Variants in ALB observed in about 807,000 individuals in gnomAD.
ALB encodes serum albumin.
Under a neutral mutation model 74.5 loss-of-function variants are expected in ALB, and 37 were observed. That is an observed-to-expected ratio of 0.50 (90% CI 0.38 to 0.65). The LOEUF is 0.65. Among genes scored for constraint, ALB ranks in the 30% least tolerant of loss-of-function variants. The probability of loss-of-function intolerance (pLI) is 0.00; values close to 1 mark genes in which losing one functional copy is unlikely to be tolerated. For missense variants in ALB, 685 were observed against 718.7 expected, an observed-to-expected ratio of 0.95 and a Z score of 0.54; for synonymous variants, 249 against 251.6, an observed-to-expected ratio of 0.99 and a Z score of 0.10.
Position 73,408,803 on chromosome 4 carries a change from A to G in ALB, c.480A>G (p.Lys160=), listed in dbSNP as rs756681536. The part of the protein sequence containing the change: ...AFHDNEETFL[K]KYLYEIARRH... Reference sequence around the variant, plus strand: ...ATGACAATGAAGAGACATTTTTGAAAAAGTAAGTAATCAGATGTTTATAGT... The same window carrying G: ...ATGACAATGAAGAGACATTTTTGAAGAAGTAAGTAATCAGATGTTTATAGT... Residue 160 remains lysine, a splice_region_variant and synonymous_variant, in exon 4 of 15, where the codon AAA becomes AAG. Transcript: ENST00000295897. 1 of 1,612,754 alleles carries G rather than the reference A, an allele frequency of 6.2e-7. No individual in the cohort carries two copies. Among genetic ancestry groups the G allele is most frequent in the South Asian group, 1.1e-5 (1 of 90,952 alleles).
At position 73,416,258 on chromosome 4, in the gene ALB, C is replaced by T. The variant is rs770952660; in HGVS notation, c.1194C>T (p.Phe398=). The change falls in exon 10 of 15, where the codon TTC becomes TTT. Residue 398 remains phenylalanine (F), a splice_region_variant and synonymous_variant. Transcript: ENST00000295897. ...AACACAATTCTTTTATGTTTCAGTT[C>T]GATGAATTTAAACCTCTTGTGGAAG... is the stretch of plus-strand genomic sequence containing the variant. ...ADPHECYAKV[F]DEFKPLVEEP... is the part of the protein sequence containing the mutation. 41 of 1,611,968 alleles carry T rather than the reference C, an allele frequency of 2.5e-5. No homozygotes were observed. The highest frequency in any genetic ancestry group is 1.3e-4 in the East Asian group (6 of 44,790).
chr4:73,410,610 A>G (rs550481981), intron 6 of ALB, among the ~76,000 whole-genome samples: 25 of 152,234 alleles, frequency 1.6e-4, no homozygotes, highest in African/African-American at 6.0e-4. Context: ...TCTTTTCTAA[A>G]TAGTTGAATA....
Position 73,413,032 on chromosome 4 carries a change from A to G in ALB, c.844-388A>G, listed in dbSNP as rs371190396. On this transcript the variant is annotated intron_variant, in intron 7 of 14. Transcript: ENST00000295897. ...ATATATGTAAGCAGGGCCTATGACT[A>G]TGATCTTGACTCATTTTTCAAAAAT... Among the ~76,000 whole-genome samples the G allele has an allele frequency of 3.7e-4, 56 of 152,276 alleles. 1 individual carries two copies. The South Asian group carries it at 8.1e-3, about 22-fold the overall frequency.
intron 6 of ALB, among the ~76,000 whole-genome samples, chr4:73,411,105 A>T (rs1355340497): frequency 6.6e-6 from 1 of 152,228 alleles, no homozygotes; most frequent in Non-Finnish European, 1.5e-5. Context: ...CTCACCTGCT[A>T]GTCAACAGCA....
At chr4:73,414,383 T>C (rs1369749868) in intron 8 of ALB, among the ~76,000 whole-genome samples, 5 of 152,186 alleles carry the variant, frequency 3.3e-5, no homozygotes, top group Non-Finnish European at 7.4e-5. Context: ...GTATCATTCA[T>C]CAAAGACTTC....
At chr4:73,416,611 T>A (rs1471745987) in intron 10 of ALB, among the ~76,000 whole-genome samples, 1 of 152,106 alleles carries the variant, frequency 6.6e-6, no homozygotes, top group Non-Finnish European at 1.5e-5. Context: ...TCTTGGTATA[T>A]CAGAACTGAG....
chr4:73,415,269 A>G (rs1560858528), intron 9 of ALB, 102 bp downstream of exon 9: 23 of 1,391,850 alleles, frequency 1.7e-5, no homozygotes, highest in Non-Finnish European at 2.2e-5. Context: ...AGTGCAATTT[A>G]GATCTTTTCT....
At chr4:73,412,271 A>G (rs1052660228) in intron 7 of ALB, 146 bp downstream of exon 7, 8 of 1,010,054 alleles carry the variant, frequency 7.9e-6, no homozygotes, top group African/African-American at 3.1e-5. Context: ...TTCCCTGCCT[A>G]TGGTGGTGGT....
Position 73,416,373 on chromosome 4 carries a change from T to A in ALB, c.1289+20T>A. On this transcript the variant is annotated intron_variant, in intron 10 of 14. Coordinates refer to ENST00000295897, the MANE Select transcript of ALB (RefSeq NM_000477.7). ...GAATGCGTAAGTAATTTTTATTGACTGATTTTTTTTATCAATTTGTAATTA... is the reference window on the plus strand; with the variant it reads ...GAATGCGTAAGTAATTTTTATTGACAGATTTTTTTTATCAATTTGTAATTA... 6.5e-7 allele frequency: 1 copy of A among 1,537,474 alleles called. No homozygotes were observed.
At chr4:73,411,364 C>A (rs539841631) in intron 6 of ALB, among the ~76,000 whole-genome samples, 1 of 152,216 alleles carries the variant, frequency 6.6e-6, no homozygotes, top group African/African-American at 2.4e-5. Flanking sequence ...GAAAATTAGA[C>A]GTTTACATCT....
intron 9 of ALB, 79 bp from the exon 10 acceptor site, chr4:73,416,177 T>C: frequency 3.8e-6 from 4 of 1,045,026 alleles, no homozygotes; most frequent in South Asian, 2.6e-5. Flanking sequence ...AAGGATATCA[T>C]TCTGACCAGA....
intron 12 of ALB, 21 bp from the exon 13 acceptor site, chr4:73,419,486 T>TG: frequency 6.2e-7 from 1 of 1,605,990 alleles, no homozygotes; most frequent in East Asian, 2.2e-5. Context: ...TTTTTTTTTT[T>TG]CTTTTTCCAT....
intron 12 of ALB, 137 bp from the exon 13 acceptor site, chr4:73,419,370 C>T (rs774080099): frequency 2.2e-6 from 2 of 903,500 alleles, no homozygotes; most frequent in East Asian, 2.6e-5. Context: ...ATGCCTGAGC[C>T]CCAAAGTACT....
intron 10 of ALB, among the ~76,000 whole-genome samples, chr4:73,417,279 A>G (rs772558195): frequency 4.6e-5 from 7 of 152,156 alleles, no homozygotes; most frequent in Admixed American, 2.0e-4. Context: ...AAATTTATTA[A>G]TGTCACTGAA....
At chr4:73,405,337 A>C (rs1192506226) in intron 2 of ALB, among the ~76,000 whole-genome samples, 164 bp downstream of exon 2, 1 of 152,222 alleles carries the variant, frequency 6.6e-6, no homozygotes, top group Non-Finnish European at 1.5e-5. Flanking sequence ...GCTATCCAAT[A>C]AGGTAGTCAC....
At chr4:73,408,333 T>C (rs958472000) in intron 3 of ALB, among the ~76,000 whole-genome samples, 1 of 152,348 alleles carries the variant, frequency 6.6e-6, no homozygotes, top group East Asian at 1.9e-4. Flanking sequence ...ATAGGAGTCA[T>C]ATAACTTTCC....
intron 8 of ALB, among the ~76,000 whole-genome samples, chr4:73,414,024 T>G (rs778250443): frequency 3.9e-5 from 6 of 152,310 alleles, no homozygotes; most frequent in Non-Finnish European, 5.9e-5. Flanking sequence ...TCTATCTATC[T>G]AATCTATGCA....
At position 73,421,279 on chromosome 4, in the gene ALB, T is replaced by G. The variant is rs1719136316; in HGVS notation, c.*211T>G. Reference sequence around the variant, plus strand: ...TAATAGAGTGGTACAGCACTGTTATTTTTCAAAGATGTGTTGCTATCCTGA... The same window carrying G: ...TAATAGAGTGGTACAGCACTGTTATGTTTCAAAGATGTGTTGCTATCCTGA... On this transcript the variant is annotated 3_prime_UTR_variant, in exon 15 of 15. Transcript: ENST00000295897. 1 of 445,302 alleles carries G rather than the reference T, an allele frequency of 2.2e-6. No individual in the cohort carries two copies. The highest frequency in any genetic ancestry group is 4.5e-5 in the South Asian group (1 of 22,006). The allele number at this position is 445,302 out of a possible 1,614,324, so 27.6% of individuals were successfully genotyped here.
intron 10 of ALB, 82 bp downstream of exon 10, chr4:73,416,435 T>C: frequency 1.0e-6 from 1 of 993,052 alleles, no homozygotes; most frequent in Non-Finnish European, 1.6e-6. Context: ...AGCATAGAAC[T>C]TTTAAGAATG....
Sources: allele counts gnomAD v4.1 joint callset (sites outside exome capture counted in the v4.1 genomes callset), GRCh38; gene constraint gnomAD v4.1.1; transcripts MANE v1.5; gene names NCBI Gene and HGNC (gene_info 2026-07-23, HGNC 2026-07-21).